The following PHC3 variants were observed in gnomAD, a reference collection of about 807,000 sequenced individuals.
The protein encoded by PHC3 is polyhomeotic-like protein 3.
PHC3 carries 13 observed loss-of-function variants against 107.4 expected under a neutral mutation model. The ratio of observed to expected loss-of-function variants is 0.12; its 90% CI spans 0.08 to 0.19. The LOEUF is 0.19. Among genes scored for constraint, PHC3 ranks in the 10% least tolerant of loss-of-function variants. The pLI is 1.00. For missense variants in PHC3, 992 were observed against 1,210.9 expected, an observed-to-expected ratio of 0.82 and a Z score of 2.68; for synonymous variants, 456 against 427.4, an observed-to-expected ratio of 1.07 and a Z score of -0.83.
chr3:170,095,808 C>T lies in PHC3; in HGVS notation c.*1422G>A, dbSNP rs995641183. ...GTTTTAGTGTCATAATTCTATAGAA[C>T]ACTGTTCAGTAAAAGGTTTTGCTTT... On this transcript the variant is annotated 3_prime_UTR_variant, in exon 15 of 15. Coordinates refer to ENST00000495893, the MANE Select transcript of PHC3 (RefSeq NM_024947.4). 1.3e-5 allele frequency: 2 copies of T among 152,136 alleles called. No individual in the cohort carries two copies. Among genetic ancestry groups the T allele is most frequent in the Non-Finnish European group, 2.9e-5 (2 of 68,026 alleles). The allele number at this position is 152,136 out of a possible 1,614,324, so 9.4% of individuals were successfully genotyped here.
At chr3:170,154,608 T>G (rs983521199) in intron 4 of PHC3, among the ~76,000 whole-genome samples, 4 of 152,218 alleles carry the variant, frequency 2.6e-5, no homozygotes, top group African/African-American at 9.6e-5. Context: ...ACAAACAGAA[T>G]GCTTTTATTT....
At position 170,136,570 on chromosome 3, in the gene PHC3, T is replaced by G. The variant is rs985034571; in HGVS notation, c.768A>C (p.Thr256=). ...PKSTSQTQSL[T]ICHNKTTVTS... is the part of the protein sequence containing the mutation. Reference sequence around the variant, plus strand: ...TCACTGTTGTTTTGTTATGACAAATTGTCAATGACTGAGTTTGACTAGTGC... The same window carrying G: ...TCACTGTTGTTTTGTTATGACAAATGGTCAATGACTGAGTTTGACTAGTGC... The change falls in exon 7 of 15, where the codon ACA becomes ACC. Residue 256 remains threonine (T), a synonymous_variant. Coordinates refer to ENST00000495893, the MANE Select transcript of PHC3 (RefSeq NM_024947.4). 3 of 1,613,460 alleles carry G rather than the reference T, an allele frequency of 1.9e-6. No individual in the cohort carries two copies. The highest frequency in any genetic ancestry group is 2.5e-6 in the Non-Finnish European group (3 of 1,179,768).
At chr3:170,125,278 A>AT (rs1474070185) in intron 8 of PHC3, among the ~76,000 whole-genome samples, 2 of 152,184 alleles carry the variant, frequency 1.3e-5, no homozygotes, top group Admixed American at 1.3e-4. Context: ...AGGTAAAATC[A>AT]TTCTAAAAAG....
chr3:170,113,633 C>T (rs1718270342), intron 10 of PHC3, 114 bp from the exon 11 acceptor site: 2 of 955,054 alleles, frequency 2.1e-6, no homozygotes, highest in African/African-American at 3.3e-5. Context: ...ACTAGTTCAA[C>T]TGATCAGATC....
chr3:170,116,147 C>T (rs543975017), intron 10 of PHC3, among the ~76,000 whole-genome samples: 3 of 152,170 alleles, frequency 2.0e-5, no homozygotes, highest in South Asian at 2.1e-4. Context: ...TCATTTTGAG[C>T]GGGACATTTT....
intron 2 of PHC3, among the ~76,000 whole-genome samples, chr3:170,174,192 CA>C (rs1730054377): frequency 6.6e-6 from 1 of 150,822 alleles, no homozygotes; most frequent in South Asian, 2.1e-4. Context: ...GACCCCATCT[CA>C]AAAAAATAAT....
At chr3:170,118,280 ATGT>A (rs1344546492) in intron 9 of PHC3, among the ~76,000 whole-genome samples, 1 of 152,156 alleles carries the variant, frequency 6.6e-6, no homozygotes, top group East Asian at 1.9e-4. Flanking sequence ...GACCAGGTAC[ATGT>A]CGCCCAAGCT....
At position 170,128,877 on chromosome 3, in the gene PHC3, G is replaced by C. The variant is rs749253935; in HGVS notation, c.1595C>G (p.Ser532Cys). The C allele has an allele frequency of 3.1e-6, 5 of 1,614,062 alleles. No individual in the cohort carries two copies. The South Asian group carries it at 4.4e-5, about 14-fold the overall frequency. The change falls in exon 8 of 15, where the codon TCT (serine) becomes TGT (cysteine). Residue 532 changes from serine (S) to cysteine (C), a missense_variant. Ser to Cys is a moderately radical substitution (Grantham distance 112, BLOSUM62 -1). Around this residue, in one of 6 missense-constraint regions of PHC3, gnomAD observed 543 missense variants for 590.8 expected, o/e 0.92. Coordinates refer to ENST00000495893, the MANE Select transcript of PHC3 (RefSeq NM_024947.4). ...AGGCTGCACTTGTAAAGACTGCATA[G>C]ACTGCAAGGGCAGTGGTGGAATCTG... ...PAQIPPLPLQ[S>C]MQSLQVQPEI...
intron 1 of PHC3, among the ~76,000 whole-genome samples, chr3:170,180,342 G>C (rs941499759): frequency 3.3e-5 from 5 of 152,058 alleles, no homozygotes; most frequent in African/African-American, 7.2e-5. Context: ...CCAGCAACTT[G>C]AGAGGCTAAG....
At chr3:170,144,065 G>A (rs190338699) in intron 6 of PHC3, among the ~76,000 whole-genome samples, 46 of 150,762 alleles carry the variant, frequency 3.1e-4, no homozygotes, top group African/African-American at 1.1e-3. Context: ...GGTGGCTCAC[G>A]CCTGCAATCC....
chr3:170,136,226 T>C (rs900106904), intron 7 of PHC3, 193 bp downstream of exon 7: 23 of 607,062 alleles, frequency 3.8e-5, no homozygotes, highest in Non-Finnish European at 5.4e-5. Context: ...CCTATTATAT[T>C]GTTACAATTT....
At chr3:170,169,213 T>G (rs1227292487) in intron 4 of PHC3, among the ~76,000 whole-genome samples, 1 of 152,198 alleles carries the variant, frequency 6.6e-6, no homozygotes, top group East Asian at 1.9e-4. Flanking sequence ...ATCCCACTCC[T>G]ACTCTAAGCC....
At chr3:170,175,444 C>T (rs1348558811) in intron 2 of PHC3, among the ~76,000 whole-genome samples, 4 of 151,808 alleles carry the variant, frequency 2.6e-5, no homozygotes, top group African/African-American at 9.7e-5. Flanking sequence ...TCAAGACTAG[C>T]CTGGGCGACA....
intron 6 of PHC3, among the ~76,000 whole-genome samples, chr3:170,137,581 A>G (rs1723311536): frequency 6.6e-6 from 1 of 152,202 alleles, no homozygotes; most frequent in Non-Finnish European, 1.5e-5. Flanking sequence ...TTATAAAAAC[A>G]TTCTTCAGTT....
chr3:170,163,883 A>AAAAAAGGCAGGCAGGCAGGCAGGCAGGC lies in PHC3; in HGVS notation c.414+7489_414+7490insGCCTGCCTGCCTGCCTGCCTGCCTTTTT, dbSNP rs1560119144. On this transcript the variant is annotated intron_variant, in intron 4 of 14. Coordinates refer to ENST00000495893, the MANE Select transcript of PHC3 (RefSeq NM_024947.4). ...GTCCAAAAAAAAAAAAAAAAAAAAA[A>AAAAAAGGCAGGCAGGCAGGCAGGCAGGC]AGGCAGGCAGGCATAGTAATAATAT... Among the ~76,000 whole-genome samples, 314 of 141,086 alleles carry AAAAAAGGCAGGCAGGCAGGCAGGCAGGC rather than the reference A, an allele frequency of 2.2e-3. 1 individual carries two copies. The highest frequency in any genetic ancestry group is 8.3e-3 in the African/African-American group (307 of 37,020). The allele number at this position is 141,086 out of a possible 152,430, so 92.6% of individuals were successfully genotyped here.
intron 6 of PHC3, among the ~76,000 whole-genome samples, chr3:170,142,049 A>C (rs1378057970): frequency 1.3e-5 from 2 of 152,236 alleles, no homozygotes; most frequent in African/African-American, 4.8e-5. Flanking sequence ...CACTATGTTA[A>C]GTACTTTTTG....
At chr3:170,146,312 T>C (rs1242258273) in intron 5 of PHC3, among the ~76,000 whole-genome samples, 3 of 149,364 alleles carry the variant, frequency 2.0e-5, no homozygotes, top group East Asian at 2.0e-4. Context: ...GAGGTGGAGG[T>C]TGCAGTCAGC....
chr3:170,122,892 A>G, intron 8 of PHC3, 148 bp from the exon 9 acceptor site: 1 of 893,020 alleles, frequency 1.1e-6, no homozygotes, highest in East Asian at 2.9e-5. Flanking sequence ...GAAAACTTAA[A>G]AATTGCTCGA....
In PHC3 at chr3:170,145,539, C is replaced by A. The variant is rs1560091436; in HGVS notation, c.574-18G>T. 7.0e-6 allele frequency: 11 copies of A among 1,569,552 alleles called. No homozygotes were observed. The Admixed American group carries it at 8.8e-5, about 13-fold the overall frequency. Reference sequence around the variant, plus strand: ...AAAATCAGCTGTACAGACAGAAAACCAAAAAAATACCCTAAGACAAAAGAA... The same window carrying A: ...AAAATCAGCTGTACAGACAGAAAACAAAAAAAATACCCTAAGACAAAAGAA... On this transcript the variant is annotated intron_variant, in intron 5 of 14. Transcript: ENST00000495893.
Sources: gnomAD v4.1 joint callset for allele counts (sites outside exome capture counted in the v4.1 genomes callset) on GRCh38, gnomAD v4.1.1 for gene constraint, gnomAD v4.1.1 regional missense constraint, MANE v1.5 for transcripts, NCBI Gene and HGNC (gene_info 2026-07-23, HGNC 2026-07-21) for gene names.